The following ALG9 variants were observed in gnomAD, a reference collection of about 807,000 sequenced individuals.
ALG9 encodes ALG9 alpha-1,2-mannosyltransferase.
In ALG9, 55 loss-of-function variants were observed where a neutral mutation model predicts 81.8. That is an observed-to-expected ratio of 0.67 (90% CI 0.54 to 0.84). ALG9 has a LOEUF of 0.84. Ranked by LOEUF, ALG9 falls within the 40% of genes least tolerant of loss-of-function variation. ALG9 has a pLI of 0.00. For synonymous variants in ALG9, 278 were observed against 274.3 expected, an observed-to-expected ratio of 1.01 and a Z score of -0.13; for missense variants, 629 against 745.0, an observed-to-expected ratio of 0.84 and a Z score of 1.81.
Position 111,785,552 on chromosome 11 carries a change from T to C in ALG9, c.*845A>G, listed in dbSNP as rs1946378668. 1 of 154,178 alleles carries C rather than the reference T, an allele frequency of 6.5e-6. No individual in the cohort carries two copies. The highest frequency in any genetic ancestry group is 2.4e-5 in the African/African-American group (1 of 41,454). 9.6% of individuals were successfully genotyped at this position (154,178 alleles called of 1,614,324 possible). On this transcript the variant is annotated 3_prime_UTR_variant, in exon 15 of 15. Coordinates refer to ENST00000616540, the MANE Select transcript of ALG9 (RefSeq NM_024740.2). ...AGCAATGGCCTCAGATTACATTACT[T>C]AAAAATGTGATGTCATCCAAATGTA...
At chr11:111,858,079 G>C (rs1262527130) in intron 5 of ALG9, 1 of 340,320 alleles carries the variant, frequency 2.9e-6, no homozygotes, top group East Asian at 7.8e-5. Flanking sequence ...TGGGATTACA[G>C]GCACGTGCCA....
chr11:111,851,336 G>A (rs1592286976), intron 8 of ALG9, among the ~76,000 whole-genome samples: 2 of 152,112 alleles, frequency 1.3e-5, no homozygotes, highest in Non-Finnish European at 2.9e-5. Context: ...AAAATTAGAA[G>A]GGTGTGGTGG....
intron 13 of ALG9, among the ~76,000 whole-genome samples, chr11:111,824,829 A>C (rs1199212496): frequency 6.6e-6 from 1 of 152,224 alleles, no homozygotes; most frequent in East Asian, 1.9e-4. Flanking sequence ...CAACCTATGA[A>C]ATTTTATTAA....
intron 14 of ALG9, among the ~76,000 whole-genome samples, chr11:111,806,172 T>C (rs976493749): frequency 6.6e-6 from 1 of 152,108 alleles, no homozygotes; most frequent in Non-Finnish European, 1.5e-5. Context: ...ACTAAAAATT[T>C]TTTTAAAAAA....
chr11:111,827,277 G>A (rs1953489644), intron 13 of ALG9, among the ~76,000 whole-genome samples: 1 of 152,128 alleles, frequency 6.6e-6, no homozygotes, highest in Non-Finnish European at 1.5e-5. Flanking sequence ...GGGAGTTTGA[G>A]ACCAGCATGA....
intron 14 of ALG9, among the ~76,000 whole-genome samples, chr11:111,788,880 G>C (rs1946907037): frequency 6.6e-6 from 1 of 152,164 alleles, no homozygotes; most frequent in South Asian, 2.1e-4. Context: ...AAACTAACAA[G>C]TGTAATTTCC....
At chr11:111,814,562 G>C (rs2136480884) in intron 13 of ALG9, 1 of 152,248 alleles carries the variant, frequency 6.6e-6, no homozygotes, top group African/African-American at 2.4e-5. Context: ...AGGTTTTTTA[G>C]AAGTGCATAC....
chr11:111,866,790 C>CA (rs373001798), intron 3 of ALG9, among the ~76,000 whole-genome samples: 2,076 of 143,330 alleles, frequency 0.014, 33 homozygotes, highest in African/African-American at 0.044. Context: ...TTGACAAGTT[C>CA]AAAAAAAAAA....
chr11:111,834,654 T>C (rs80213904), intron 13 of ALG9, among the ~76,000 whole-genome samples: 1 of 152,200 alleles, frequency 6.6e-6, no homozygotes, highest in Non-Finnish European at 1.5e-5. Context: ...CTCTTTTTTT[T>C]ACTACTCCAT....
chr11:111,840,553 ATATCT>A (rs1956063417), intron 10 of ALG9, 97 bp downstream of exon 10: 2 of 1,376,052 alleles, frequency 1.5e-6, no homozygotes, highest in East Asian at 2.3e-5. Flanking sequence ...TATGGATAAA[ATATCT>A]TAGGTGGAAG....
chr11:111,848,414 A>C (rs1485857673), intron 8 of ALG9, among the ~76,000 whole-genome samples: 1 of 152,044 alleles, frequency 6.6e-6, no homozygotes, highest in Non-Finnish European at 1.5e-5. Context: ...CTTGACCAAC[A>C]TGGAGAAACC....
Position 111,786,210 on chromosome 11 carries a change from C to G in ALG9, c.*187G>C, listed in dbSNP as rs1427449662. 1 of 896,668 alleles carries G rather than the reference C, an allele frequency of 1.1e-6. No homozygotes were observed. Among genetic ancestry groups the G allele is most frequent in the Non-Finnish European group, 1.8e-6 (1 of 560,708 alleles). The allele number at this position is 896,668 out of a possible 1,614,324, so 55.5% of individuals were successfully genotyped here. The stretch of plus-strand genomic sequence containing the variant: ...AGTTTACATGCAGAACAGAGACACA[C>G]ACAGGGAGCAAATGTGACTTTGATT... On this transcript the variant is annotated 3_prime_UTR_variant, in exon 15 of 15. Transcript: ENST00000616540.
intron 3 of ALG9, among the ~76,000 whole-genome samples, chr11:111,866,733 A>C (rs554970448): frequency 5.9e-5 from 9 of 151,712 alleles, no homozygotes; most frequent in African/African-American, 2.2e-4. Context: ...TCTGCATAGC[A>C]CATTGTTAGT....
chr11:111,787,639 T>A (rs566975472), intron 14 of ALG9, among the ~76,000 whole-genome samples: 3 of 151,612 alleles, frequency 2.0e-5, no homozygotes, highest in African/African-American at 7.2e-5. Context: ...TTGTATTTTT[T>A]AGTAGAGACG....
chr11:111,843,034 C>T (rs1462432235), intron 9 of ALG9, among the ~76,000 whole-genome samples: 5 of 152,166 alleles, frequency 3.3e-5, no homozygotes, highest in Admixed American at 6.5e-5. Context: ...ATCCTCCCAC[C>T]GTAGCCTCCC....
chr11:111,868,476 A>T (rs575415157), intron 3 of ALG9, 126 bp downstream of exon 3: 19 of 1,215,432 alleles, frequency 1.6e-5, no homozygotes, highest in Non-Finnish European at 1.9e-5. Flanking sequence ...GGTGAATTGG[A>T]TAAATGATTC....
intron 14 of ALG9, among the ~76,000 whole-genome samples, chr11:111,803,033 T>A (rs1949366815): frequency 6.6e-6 from 1 of 152,150 alleles, no homozygotes; most frequent in Non-Finnish European, 1.5e-5. Context: ...TTAGCAACAT[T>A]CATGGATAGG....
intron 14 of ALG9, among the ~76,000 whole-genome samples, chr11:111,794,057 C>T (rs1947869236): frequency 6.6e-6 from 1 of 152,212 alleles, no homozygotes; most frequent in Non-Finnish European, 1.5e-5. Context: ...CTGGGCAAAG[C>T]AATTGCCTGC....
intron 1 of ALG9, chr11:111,870,903 A>G (rs1379985400): frequency 1.0e-6 from 1 of 998,438 alleles, no homozygotes; most frequent in Non-Finnish European, 1.2e-6. Flanking sequence ...GCCTACTCCA[A>G]TTCCATATGT....
Sources: gnomAD v4.1 joint callset for allele counts (sites outside exome capture counted in the v4.1 genomes callset) on GRCh38, gnomAD v4.1.1 for gene constraint, MANE v1.5 for transcripts, NCBI Gene and HGNC (gene_info 2026-07-23, HGNC 2026-07-21) for gene names.